BRINP3: variants seen among roughly 807,000 people sequenced by gnomAD.
The protein encoded by BRINP3 is BMP/retinoic acid-inducible neural-specific protein 3.
In BRINP3, 19 loss-of-function variants were observed where a neutral mutation model predicts 71.0. The observed-to-expected ratio is 0.27, with a 90% CI of 0.19 to 0.39. The LOEUF is 0.39. BRINP3 is among the 10% of genes least tolerant of loss of function. BRINP3 has a pLI of 1.00. For synonymous variants in BRINP3, 380 were observed against 337.7 expected, an observed-to-expected ratio of 1.13 and a Z score of -1.37; for missense variants, 959 against 940.8, an observed-to-expected ratio of 1.02 and a Z score of -0.25.
chr1:190,368,033 T>C (rs1343764546), intron 2 of BRINP3, among the ~76,000 whole-genome samples: 1 of 152,148 alleles, frequency 6.6e-6, no homozygotes, highest in Non-Finnish European at 1.5e-5. Context: ...CTTCTACATT[T>C]TGGGGTATCT....
At chr1:190,173,317 G>C (rs1490298010) in intron 6 of BRINP3, among the ~76,000 whole-genome samples, 1 of 152,086 alleles carries the variant, frequency 6.6e-6, no homozygotes, top group Admixed American at 6.6e-5. Context: ...GTGGGGGAAG[G>C]GATATATTCA....
intron 2 of BRINP3, among the ~76,000 whole-genome samples, chr1:190,454,166 A>G (rs532049845): frequency 1.3e-5 from 2 of 152,290 alleles, no homozygotes; most frequent in South Asian, 4.1e-4. Context: ...TTTATCTGCT[A>G]CTTGTTTTTA....
intron 2 of BRINP3, among the ~76,000 whole-genome samples, chr1:190,350,930 C>G (rs1377362463): frequency 6.6e-6 from 1 of 151,074 alleles, no homozygotes; most frequent in African/African-American, 2.4e-5. Context: ...TGAAGCGGTT[C>G]TCCTGCCTCA....
chr1:190,453,551 C>A (rs1675793665), intron 2 of BRINP3, among the ~76,000 whole-genome samples: 1 of 151,954 alleles, frequency 6.6e-6, no homozygotes, highest in Non-Finnish European at 1.5e-5. Flanking sequence ...TAGAGTAAAT[C>A]TTTTCATTAG....
In BRINP3 at chr1:190,112,692, T is replaced by C. The variant is rs1195917531; in HGVS notation, c.1185-13558A>G. ...ACTGTATTTGGATTCTTGTAAGGAA[T>C]ATTTTATTCCTCATTTTAGTTTACT... On this transcript the variant is annotated intron_variant, in intron 7 of 7. Transcript: ENST00000367462. Among the ~76,000 whole-genome samples, 4 of 152,298 alleles carry C rather than the reference T, an allele frequency of 2.6e-5. No individual in the cohort carries two copies. The South Asian group carries it at 6.2e-4, about 24-fold the overall frequency.
intron 4 of BRINP3, among the ~76,000 whole-genome samples, chr1:190,235,257 A>C (rs1658403406): frequency 6.6e-6 from 1 of 152,056 alleles, no homozygotes; most frequent in Non-Finnish European, 1.5e-5. Context: ...TCATATGTGG[A>C]CTGATTTTTT....
At chr1:190,107,820 A>G (rs1652312670) in intron 7 of BRINP3, among the ~76,000 whole-genome samples, 2 of 151,974 alleles carry the variant, frequency 1.3e-5, no homozygotes, top group Admixed American at 1.3e-4. Flanking sequence ...GAACACTCTT[A>G]AAAACTCTTT....
chr1:190,196,396 G>A (rs1654482605), intron 6 of BRINP3, among the ~76,000 whole-genome samples: 1 of 152,036 alleles, frequency 6.6e-6, no homozygotes, highest in South Asian at 2.1e-4. Context: ...TATCTTCCTG[G>A]ACATTTCAAA....
At chr1:190,414,284 GT>G (rs891586711) in intron 2 of BRINP3, among the ~76,000 whole-genome samples, 2 of 151,488 alleles carry the variant, frequency 1.3e-5, no homozygotes, top group Non-Finnish European at 1.5e-5. Context: ...CTCTGGTGCA[GT>G]TTTTTTTAAA....
chr1:190,224,289 G>A (rs959751115), intron 6 of BRINP3, among the ~76,000 whole-genome samples: 16 of 151,780 alleles, frequency 1.1e-4, no homozygotes, highest in Non-Finnish European at 2.2e-4. Context: ...GATAAAAGCA[G>A]ACACATAGAC....
intron 7 of BRINP3, among the ~76,000 whole-genome samples, chr1:190,151,724 A>C (rs2102423719): frequency 6.6e-6 from 1 of 152,330 alleles, no homozygotes; most frequent in East Asian, 1.9e-4. Context: ...GTAATGAAGT[A>C]ATTGTTTGCC....
At chr1:190,414,500 C>T (rs1263621825) in intron 2 of BRINP3, among the ~76,000 whole-genome samples, 3 of 152,142 alleles carry the variant, frequency 2.0e-5, no homozygotes, top group African/African-American at 7.2e-5. Context: ...ACCAAGGAAA[C>T]AACTGTTTTC....
intron 4 of BRINP3, among the ~76,000 whole-genome samples, chr1:190,260,806 A>G (rs1334255217): frequency 6.6e-6 from 1 of 152,048 alleles, no homozygotes; most frequent in Non-Finnish European, 1.5e-5. Flanking sequence ...GTAAAAACTC[A>G]TTTCAAGATG....
At chr1:190,252,249 C>CT (rs1660215893) in intron 4 of BRINP3, among the ~76,000 whole-genome samples, 1 of 151,996 alleles carries the variant, frequency 6.6e-6, no homozygotes, top group Non-Finnish European at 1.5e-5. Flanking sequence ...TGCCAAAGAG[C>CT]TTTACCAATT....
At chr1:190,416,420 C>T (rs1171043) in intron 2 of BRINP3, among the ~76,000 whole-genome samples, 70,891 of 151,834 alleles carry the variant, frequency 0.47, 16,721 homozygotes, top group Non-Finnish European at 0.5. Flanking sequence ...ATGTGATTTA[C>T]ACTAGGCATA....
intron 7 of BRINP3, among the ~76,000 whole-genome samples, chr1:190,139,832 T>G (rs1163609635): frequency 6.6e-6 from 1 of 152,196 alleles, no homozygotes; most frequent in African/African-American, 2.4e-5. Context: ...CAATATTATA[T>G]CTATGGTAAA....
At chr1:190,332,448 C>A (rs901462720) in intron 2 of BRINP3, among the ~76,000 whole-genome samples, 9 of 151,976 alleles carry the variant, frequency 5.9e-5, no homozygotes, top group African/African-American at 2.2e-4. Flanking sequence ...ACAACTTCCC[C>A]AAGTATTCTA....
chr1:190,232,373 A>G (rs1658076056), intron 5 of BRINP3, among the ~76,000 whole-genome samples: 1 of 152,190 alleles, frequency 6.6e-6, no homozygotes, highest in East Asian at 1.9e-4. Context: ...GTACAAAAGG[A>G]GAGGTTTAAA....
At chr1:190,159,684 C>T (rs1657176457) in intron 7 of BRINP3, among the ~76,000 whole-genome samples, 1 of 151,904 alleles carries the variant, frequency 6.6e-6, no homozygotes, top group African/African-American at 2.4e-5. Context: ...CAGCCTTGGA[C>T]TGGGTGAAGG....
Sources: gnomAD v4.1 joint callset for allele counts (sites outside exome capture counted in the v4.1 genomes callset) on GRCh38, gnomAD v4.1.1 for gene constraint, MANE v1.5 for transcripts, NCBI Gene and HGNC (gene_info 2026-07-23, HGNC 2026-07-21) for gene names.